The following BACH2 variants were observed in gnomAD, a reference collection of about 807,000 sequenced individuals.
BACH2 encodes the protein BACH transcriptional regulator 2, also known as transcription regulator protein BACH2.
In BACH2, 5 loss-of-function variants were observed where a neutral mutation model predicts 61.8. The ratio of observed to expected loss-of-function variants is 0.08; its 90% CI spans 0.04 to 0.17. The LOEUF (loss-of-function observed/expected upper bound fraction) is 0.17, where lower values mean the gene tolerates loss of function less well. Among genes scored for constraint, BACH2 ranks in the 10% least tolerant of loss-of-function variants. The probability of loss-of-function intolerance (pLI) is 1.00; values close to 1 mark genes in which losing one functional copy is unlikely to be tolerated. For missense variants in BACH2, 824 were observed against 1,091.1 expected, an observed-to-expected ratio of 0.76 and a Z score of 3.45; for synonymous variants, 446 against 440.1, an observed-to-expected ratio of 1.01 and a Z score of -0.17.
intron 1 of BACH2, among the ~76,000 whole-genome samples, chr6:90,287,667 C>T (rs1039942931): frequency 3.9e-5 from 6 of 152,084 alleles, no homozygotes; most frequent in African/African-American, 1.4e-4. Flanking sequence ...ATATTCTCTG[C>T]CTAGGGTTGT....
chr6:90,234,378 G>A (rs1260472694), intron 3 of BACH2, among the ~76,000 whole-genome samples: 1 of 152,256 alleles, frequency 6.6e-6, no homozygotes, highest in Non-Finnish European at 1.5e-5. Flanking sequence ...TGAGTTGACA[G>A]TGAATAGATG....
At chr6:90,216,949 C>T (rs1769558616) in intron 3 of BACH2, among the ~76,000 whole-genome samples, 1 of 152,114 alleles carries the variant, frequency 6.6e-6, no homozygotes, top group Non-Finnish European at 1.5e-5. Context: ...TTGGGAAATC[C>T]TGACGGGGAG....
chr6:90,178,716 C>T (rs557503177), intron 4 of BACH2, among the ~76,000 whole-genome samples: 1 of 152,314 alleles, frequency 6.6e-6, no homozygotes, highest in South Asian at 2.1e-4. Context: ...CATGAGACTT[C>T]CTATAATTTC....
At chr6:90,098,395 C>G (rs1782470897) in intron 4 of BACH2, among the ~76,000 whole-genome samples, 1 of 152,124 alleles carries the variant, frequency 6.6e-6, no homozygotes, top group Non-Finnish European at 1.5e-5. Flanking sequence ...GACAGCACTG[C>G]AGGCTGTGAG....
At chr6:90,273,171 A>T (rs1213507338) in intron 1 of BACH2, among the ~76,000 whole-genome samples, 1 of 152,024 alleles carries the variant, frequency 6.6e-6, no homozygotes, top group African/African-American at 2.4e-5. Flanking sequence ...ACCAGCCTGG[A>T]TAACATAACG....
chr6:90,091,730 G>C (rs1782167608), intron 4 of BACH2, among the ~76,000 whole-genome samples: 1 of 152,112 alleles, frequency 6.6e-6, no homozygotes, highest in Admixed American at 6.6e-5. Context: ...TATGGTTTGA[G>C]GAGTGGGGGG....
intron 6 of BACH2, among the ~76,000 whole-genome samples, chr6:89,988,539 G>T (rs1309571149): frequency 6.6e-6 from 1 of 152,150 alleles, no homozygotes; most frequent in Non-Finnish European, 1.5e-5. Flanking sequence ...TCCTTAGACA[G>T]GTTTTAGGAC....
At chr6:89,948,274 T>G (rs1174565023) in intron 7 of BACH2, among the ~76,000 whole-genome samples, 1 of 152,102 alleles carries the variant, frequency 6.6e-6, no homozygotes, top group East Asian at 1.9e-4. Context: ...TGCCACCATC[T>G]CAGCTCACTG....
intron 5 of BACH2, among the ~76,000 whole-genome samples, chr6:90,029,863 T>C (rs1778864047): frequency 6.6e-6 from 1 of 152,108 alleles, no homozygotes; most frequent in African/African-American, 2.4e-5. Context: ...AATGCGACCG[T>C]TAGAGAAAAC....
intron 5 of BACH2, among the ~76,000 whole-genome samples, chr6:90,076,702 T>C (rs1781485265): frequency 2.0e-5 from 3 of 152,142 alleles, no homozygotes; most frequent in African/African-American, 7.2e-5. Context: ...GGTGACAGTA[T>C]CATTTATACT....
intron 4 of BACH2, among the ~76,000 whole-genome samples, chr6:90,203,930 G>A (rs1769046759): frequency 6.6e-6 from 1 of 152,138 alleles, no homozygotes; most frequent in Admixed American, 6.5e-5. Flanking sequence ...CCTACCTGAT[G>A]GACAGCAACT....
intron 4 of BACH2, among the ~76,000 whole-genome samples, chr6:90,171,619 GTAA>G (rs1204960557): frequency 6.6e-6 from 1 of 152,024 alleles, no homozygotes; most frequent in Admixed American, 6.6e-5. Flanking sequence ...AGAATTCCAA[GTAA>G]TTAAGTTCAC....
intron 4 of BACH2, among the ~76,000 whole-genome samples, chr6:90,175,516 T>C (rs1767956248): frequency 6.6e-6 from 1 of 152,120 alleles, no homozygotes; most frequent in African/African-American, 2.4e-5. Context: ...AAACAACTTT[T>C]TGGTGGAAAA....
At position 89,932,760 on chromosome 6, in the gene BACH2, G is replaced by C. The variant is rs1454446012; in HGVS notation, c.2174C>G (p.Ala725Gly). The C allele has an allele frequency of 1.9e-6, 3 of 1,614,012 alleles. No individual in the cohort carries two copies. In the Admixed American group the frequency reaches 5.0e-5, roughly 27 times the overall value. Reference sequence around the variant, plus strand: ...GAGGACAGGGCAATACCGATGCAGGGCCTGGATCTGCTCGGGGCTCTGGAT... The same window carrying C: ...GAGGACAGGGCAATACCGATGCAGGCCCTGGATCTGCTCGGGGCTCTGGAT... ...RDIQSPEQIQ[A>G]LHRYCPVLRP... The change falls in exon 9 of 9, where the codon GCC (alanine) becomes GGC (glycine). Residue 725 changes from alanine to glycine, a missense_variant. Ala to Gly is a moderately conservative substitution (Grantham distance 60). Around this residue, in one of 8 missense-constraint regions of BACH2, gnomAD observed 160 missense variants for 283.5 expected, o/e 0.56. Transcript: ENST00000257749.
chr6:90,058,136 G>A (rs1286642298), intron 5 of BACH2, among the ~76,000 whole-genome samples: 3 of 152,334 alleles, frequency 2.0e-5, no homozygotes, highest in Admixed American at 6.5e-5. Flanking sequence ...AATTAGGCAG[G>A]AGAAGGAAAT....
chr6:90,243,730 C>G (rs1260260238), intron 3 of BACH2, among the ~76,000 whole-genome samples: 1 of 152,172 alleles, frequency 6.6e-6, no homozygotes, highest in Non-Finnish European at 1.5e-5. Flanking sequence ...AAAAAGCTAG[C>G]ATCCTTTTCT....
At chr6:90,053,808 CT>C (rs965840259) in intron 5 of BACH2, among the ~76,000 whole-genome samples, 1 of 152,206 alleles carries the variant, frequency 6.6e-6, no homozygotes, top group African/African-American at 2.4e-5. Context: ...TATTGTTCCT[CT>C]GTGGATGTGG....
intron 4 of BACH2, among the ~76,000 whole-genome samples, chr6:90,144,162 TA>T (rs1205196808): frequency 6.6e-6 from 1 of 152,250 alleles, no homozygotes; most frequent in African/African-American, 2.4e-5. Flanking sequence ...CATCTAGAGA[TA>T]TTTTTTCCTT....
At chr6:90,175,327 C>T (rs963209677) in intron 4 of BACH2, among the ~76,000 whole-genome samples, 1 of 151,870 alleles carries the variant, frequency 6.6e-6, no homozygotes, top group African/African-American at 2.4e-5. Context: ...AATGGTTTTC[C>T]TATTACACTG....
Sources: gnomAD v4.1 joint callset for allele counts (sites outside exome capture counted in the v4.1 genomes callset) on GRCh38, gnomAD v4.1.1 for gene constraint, gnomAD v4.1.1 regional missense constraint, MANE v1.5 for transcripts, NCBI Gene and HGNC (gene_info 2026-07-23, HGNC 2026-07-21) for gene names.